The following MRPS15 variants were observed in gnomAD, a reference collection of about 807,000 sequenced individuals.
MRPS15 encodes the protein mitochondrial ribosomal protein S15, also known as small ribosomal subunit protein uS15m.
In MRPS15, 25 loss-of-function variants were observed where a neutral mutation model predicts 30.7. The ratio of observed to expected loss-of-function variants is 0.81; its 90% CI spans 0.59 to 1.14. The LOEUF is 1.14. Ranked by LOEUF, MRPS15 falls within the 50% of genes most tolerant of loss-of-function variation. The probability of loss-of-function intolerance (pLI) is 0.00; values close to 1 mark genes in which losing one functional copy is unlikely to be tolerated. For synonymous variants in MRPS15, 124 were observed against 120.1 expected (o/e 1.03, Z -0.21); for missense variants, 313 against 321.7 (o/e 0.97, Z 0.21).
chr1:36,463,807 T>G lies in MRPS15; in HGVS notation c.174A>C (p.Pro58=). ...AAGTCCCACCTTAGGAACTCCTACC[T>G]GGTTTCCGGACGACATATCCGCGCG... ...QAARGYVVRK[P]AQSRLDDDPP... The change falls in exon 2 of 8, where the codon CCA becomes CCC. Residue 58 remains proline (P), a splice_region_variant and synonymous_variant. Coordinates refer to ENST00000373116, the MANE Select transcript of MRPS15 (RefSeq NM_031280.4). 6.2e-7 allele frequency: 1 copy of G among 1,612,526 alleles called. No homozygotes were observed. The highest frequency in any genetic ancestry group is 8.5e-7 in the Non-Finnish European group (1 of 1,179,098).
At chr1:36,460,944 A>G (rs1650087342) in intron 4 of MRPS15, among the ~76,000 whole-genome samples, 168 bp from the exon 5 acceptor site, 1 of 152,230 alleles carries the variant, frequency 6.6e-6, no homozygotes, top group Admixed American at 6.5e-5. Context: ...GGCTATCCAC[A>G]TCCAGGTGAG....
At position 36,458,680 on chromosome 1, in the gene MRPS15, CG is replaced by C. The variant is rs1216393470; in HGVS notation, c.386-700del. ...CACAAATAAGATTCTAAAACTGTCA[CG>C]GGTCTACTCCTTGCCTCTCCCCTTC... On this transcript the variant is annotated intron_variant, in intron 5 of 7. Transcript: ENST00000373116. This position sits in a 1 kb window ranked among gnomAD's most constrained non-coding sequence, Gnocchi z 4.5. 1 of 152,270 alleles carries C rather than the reference CG, an allele frequency of 6.6e-6. No individual in the cohort carries two copies. The highest frequency in any genetic ancestry group is 1.5e-5 in the Non-Finnish European group (1 of 68,054). The allele number at this position is 152,270 out of a possible 1,614,324, so 9.4% of individuals were successfully genotyped here.
Position 36,456,221 on chromosome 1 carries a change from C to A in MRPS15, c.602G>T (p.Arg201Leu). Reference protein sequence around the residue: ...FPPLYYRRAHRRFVTKKALCI... With the variant: ...FPPLYYRRAHLRFVTKKALCI... Reference sequence around the variant, plus strand: ...CAGAGCCTTCTTGGTCACGAATCGGCGGTGGGCTCTTCGGTAATACAGAGG... The same window carrying A: ...CAGAGCCTTCTTGGTCACGAATCGGAGGTGGGCTCTTCGGTAATACAGAGG... The change falls in exon 7 of 8, where the codon CGC (arginine) becomes CTC (leucine). Residue 201 changes from arginine (R) to leucine (L), a missense_variant. Arg to Leu is a moderately radical substitution (Grantham distance 102, BLOSUM62 -2). Coordinates refer to ENST00000373116, the MANE Select transcript of MRPS15 (RefSeq NM_031280.4). 6.2e-7 allele frequency: 1 copy of A among 1,612,840 alleles called. No homozygotes were observed. Among genetic ancestry groups the A allele is most frequent in the South Asian group, 1.1e-5 (1 of 90,904 alleles).
Position 36,462,118 on chromosome 1 carries a change from T to C in MRPS15, c.221A>G (p.Lys74Arg), listed in dbSNP as rs1391064714. The stretch of plus-strand genomic sequence containing the variant: ...AATTCCAGGGACATTCTGGTAGTCT[T>C]TGAGCAGCGTAGAGGGAGGTGGGTC... ...DDDPPPSTLL[K>R]DYQNVPGIEK... The change falls in exon 3 of 8, where the codon AAA becomes AGA. Residue 74 changes from lysine (K) to arginine (R), a missense_variant. Lys to Arg is a conservative substitution (Grantham distance 26, BLOSUM62 2). Transcript: ENST00000373116. 1.2e-6 allele frequency: 2 copies of C among 1,613,398 alleles called. No homozygotes were observed. The highest frequency in any genetic ancestry group is 1.7e-5 in the Admixed American group (1 of 59,990).
At chr1:36,457,481 G>A (rs1650013686) in intron 6 of MRPS15, among the ~76,000 whole-genome samples, 1 of 152,132 alleles carries the variant, frequency 6.6e-6, no homozygotes, top group South Asian at 2.1e-4. Flanking sequence ...AGGGCCTAAA[G>A]ACTTTATATG....
chr1:36,464,243 C>A lies in MRPS15; in HGVS notation c.33G>T (p.Leu11Phe), dbSNP rs1337465161. MLRVAWRTLS[L>F]IRTRAVTQVL... ...CCTGGGTAACTGCCCGGGTCCGAAT[C>A]AAACTCAGCGTCCTCCACGCGACCC... The change falls in exon 1 of 8, where the codon TTG (leucine) becomes TTT (phenylalanine). Residue 11 changes from leucine to phenylalanine, a missense_variant. Coordinates refer to ENST00000373116, the MANE Select transcript of MRPS15 (RefSeq NM_031280.4). The A allele has an allele frequency of 6.2e-7, 1 of 1,613,952 alleles. No individual in the cohort carries two copies. Among genetic ancestry groups the A allele is most frequent in the African/African-American group, 1.3e-5 (1 of 74,940 alleles).
chr1:36,457,455 G>A (rs562176062), intron 6 of MRPS15, among the ~76,000 whole-genome samples: 86 of 152,278 alleles, frequency 5.6e-4, no homozygotes, highest in South Asian at 1.0e-3. Context: ...GAAGATGCAT[G>A]TGAAGTACTT....
intron 6 of MRPS15, 78 bp from the exon 7 acceptor site, chr1:36,456,456 C>A (rs1649997588): frequency 1.5e-6 from 2 of 1,308,048 alleles, no homozygotes; most frequent in Non-Finnish European, 2.0e-6. Context: ...GTCATTTTAT[C>A]ATTTCACTGA....
At chr1:36,456,606 G>A (rs549865020) in intron 6 of MRPS15, 2 of 480,568 alleles carry the variant, frequency 4.2e-6, no homozygotes, top group Non-Finnish European at 7.3e-6. Context: ...TGTGAGTGCT[G>A]AGATAGGGTC....
rs1650092506 is a variant in MRPS15 at position 36,461,254 on chromosome 1, G to A, written c.300+10C>T. 1 of 1,614,130 alleles carries A rather than the reference G, an allele frequency of 6.2e-7. No individual in the cohort carries two copies. The highest frequency in any genetic ancestry group is 8.5e-7 in the Non-Finnish European group (1 of 1,179,982). The stretch of plus-strand genomic sequence containing the variant: ...CTGCGGGAGGCTGAGGCTTGGCAGA[G>A]GCTGCTCACCTTGTTGGCCATTTCC... On this transcript the variant is annotated intron_variant, in intron 4 of 7. Transcript: ENST00000373116.
chr1:36,460,623 A>G (rs1027832035), intron 5 of MRPS15, 69 bp downstream of exon 5: 30 of 1,181,002 alleles, frequency 2.5e-5, no homozygotes, highest in Non-Finnish European at 3.0e-5. Flanking sequence ...CTTGTAGACA[A>G]GAGCCCTAGA....
chr1:36,463,785 T>C, intron 2 of MRPS15, 21 bp downstream of exon 2: 1 of 1,608,380 alleles, frequency 6.2e-7, no homozygotes, highest in East Asian at 2.2e-5. Flanking sequence ...CCGCCCCAAG[T>C]CCCACCTTAG....
At chr1:36,457,892 TGTTTAA>T in intron 6 of MRPS15, 25 bp downstream of exon 6, 7 of 1,609,352 alleles carry the variant, frequency 4.3e-6, no homozygotes, top group Non-Finnish European at 4.3e-6. Context: ...AGGCTGCTGC[TGTTTAA>T]CTGTGAATGA....
intron 2 of MRPS15, among the ~76,000 whole-genome samples, chr1:36,463,318 G>C (rs1557582059): frequency 6.6e-6 from 1 of 152,230 alleles, no homozygotes; most frequent in Non-Finnish European, 1.5e-5. Flanking sequence ...TGAGCACAGC[G>C]TTAAGGGTGC....
chr1:36,463,031 C>T (rs1441813105), intron 2 of MRPS15, among the ~76,000 whole-genome samples: 2 of 152,074 alleles, frequency 1.3e-5, no homozygotes, highest in Non-Finnish European at 2.9e-5. Context: ...GTGGCACGAT[C>T]GGCTCACTGC....
Position 36,456,311 on chromosome 1 carries a change from C to A in MRPS15, c.512G>T (p.Arg171Leu), listed in dbSNP as rs80215530. ...DQRKKMLKNL[R>L]NTNYDVFEKI... The stretch of plus-strand genomic sequence containing the variant: ...CTCAAAGACATCATAGTTGGTGTTA[C>A]GGAGGTTTTTGAGCATCTTTTTCCT... Residue 171 changes from arginine to leucine, a missense_variant, in exon 7 of 8, where the codon CGT becomes CTT. Transcript: ENST00000373116. 8.9e-5 allele frequency: 143 copies of A among 1,614,154 alleles called. No homozygotes were observed. The African/African-American group carries it at 1.9e-3, about 21-fold the overall frequency.
chr1:36,462,656 C>T (rs564922123), intron 2 of MRPS15, among the ~76,000 whole-genome samples: 2 of 152,206 alleles, frequency 1.3e-5, no homozygotes, highest in Non-Finnish European at 2.9e-5. Context: ...TTGGTGTGTG[C>T]ACCCCTGCTA....
chr1:36,463,743 T>A, intron 2 of MRPS15, 63 bp downstream of exon 2: 2 of 1,567,504 alleles, frequency 1.3e-6, no homozygotes, highest in Non-Finnish European at 1.7e-6. Context: ...TCGGTCCCCT[T>A]ACCCACCCCA....
chr1:36,460,624 G>T, intron 5 of MRPS15, 68 bp downstream of exon 5: 1 of 1,184,956 alleles, frequency 8.4e-7, no homozygotes, highest in Non-Finnish European at 1.3e-6. Context: ...TTGTAGACAA[G>T]AGCCCTAGAT....
Sources: allele counts gnomAD v4.1 joint callset (sites outside exome capture counted in the v4.1 genomes callset), GRCh38; gene constraint gnomAD v4.1.1; non-coding constraint Gnocchi (gnomAD v3.1); transcripts MANE v1.5; gene names NCBI Gene and HGNC (gene_info 2026-07-23, HGNC 2026-07-21).